Variants in DUT observed in about 807,000 individuals in gnomAD.
The protein encoded by DUT is deoxyuridine triphosphatase.
A neutral mutation model predicts 28.8 loss-of-function variants in DUT; 21 were observed. The observed-to-expected ratio is 0.73, with a 90% CI of 0.52 to 1.05. DUT has a LOEUF of 1.05. Ranked by LOEUF, DUT falls within the 50% of genes least tolerant of loss-of-function variation. The pLI is 0.00. For synonymous variants in DUT, 147 were observed against 143.7 expected, an observed-to-expected ratio of 1.02 and a Z score of -0.17; for missense variants, 344 against 351.8, an observed-to-expected ratio of 0.98 and a Z score of 0.18.
intron 3 of DUT, among the ~76,000 whole-genome samples, chr15:48,335,720 A>G (rs16960781): frequency 0.02 from 2,989 of 152,288 alleles, 110 homozygotes; most frequent in African/African-American, 0.069. Flanking sequence ...AGCAGCCTAC[A>G]GTTGTTCCCG....
Position 48,331,619 on chromosome 15 carries a change from C to G in DUT, c.104C>G (p.Ala35Gly), listed in dbSNP as rs754054381. The G allele has an allele frequency of 1.3e-6, 2 of 1,553,682 alleles. No homozygotes were observed. Among genetic ancestry groups the G allele is most frequent in the Admixed American group, 3.9e-5 (2 of 51,334 alleles). ...CGAGGCGCACGGCAGAGGGCCGAAG[C>G]CGCGGTACTCTCCGGGCCAGGCCCG... The part of the protein sequence containing the change: ...NARGARQRAE[A>G]AVLSGPGPPL... The change falls in exon 1 of 7, where the codon GCC becomes GGC. Residue 35 changes from alanine to glycine, a missense_variant. Ala to Gly is a moderately conservative substitution (Grantham distance 60, BLOSUM62 0). Transcript: ENST00000331200.
chr15:48,336,258 G>A (rs1225186991), intron 4 of DUT, among the ~76,000 whole-genome samples, 168 bp downstream of exon 4: 1 of 152,024 alleles, frequency 6.6e-6, no homozygotes, highest in African/African-American at 2.4e-5. Context: ...ATTATATTTT[G>A]TTTAACTACT....
At chr15:48,334,568 A>G in intron 3 of DUT, 60 bp downstream of exon 3, 1 of 1,308,564 alleles carries the variant, frequency 7.6e-7, no homozygotes, top group Non-Finnish European at 1.1e-6. Context: ...TAGATTCTTC[A>G]TGTTTCATTT....
intron 3 of DUT, among the ~76,000 whole-genome samples, chr15:48,334,792 T>G (rs1478446937): frequency 6.6e-6 from 1 of 152,208 alleles, no homozygotes; most frequent in Admixed American, 6.5e-5. Context: ...GAGTAAAACT[T>G]CTGACCTGTT....
chr15:48,332,557 G>T, intron 2 of DUT, 151 bp downstream of exon 2: 1 of 778,596 alleles, frequency 1.3e-6, no homozygotes, highest in South Asian at 1.7e-5. Flanking sequence ...TTCATCTTTG[G>T]CATAAATTAA....
chr15:48,340,597 T>A (rs3784620), intron 4 of DUT, among the ~76,000 whole-genome samples: 1 of 152,118 alleles, frequency 6.6e-6, no homozygotes, highest in African/African-American at 2.4e-5. Context: ...CTGGCTCAAG[T>A]CTCCCCTGCA....
chr15:48,341,247 C>T (rs1292723841), intron 4 of DUT, 42 bp from the exon 5 acceptor site: 1 of 1,279,036 alleles, frequency 7.8e-7, no homozygotes, highest in Non-Finnish European at 1.1e-6. Flanking sequence ...TCTAGTATTC[C>T]AATAGCAAAA....
intron 4 of DUT, among the ~76,000 whole-genome samples, chr15:48,338,384 C>T (rs1351644668): frequency 6.6e-6 from 1 of 152,028 alleles, no homozygotes; most frequent in African/African-American, 2.4e-5. Flanking sequence ...GATACGTTAG[C>T]AGAGGCCTTT....
intron 3 of DUT, 111 bp from the exon 4 acceptor site, chr15:48,335,935 G>A (rs2042470342): frequency 1.3e-6 from 1 of 789,590 alleles, no homozygotes; most frequent in Admixed American, 3.0e-5. Flanking sequence ...AAGTTAAGAT[G>A]AAGATATAGA....
intron 4 of DUT, among the ~76,000 whole-genome samples, chr15:48,337,969 T>C (rs1161182013): frequency 1.3e-5 from 2 of 152,226 alleles, no homozygotes; most frequent in African/African-American, 4.8e-5. Flanking sequence ...TGCCAAACTC[T>C]TGACACAGTA....
In DUT at chr15:48,331,431, T is replaced by A; in HGVS notation, c.-85T>A. 6.4e-7 allele frequency: 1 copy of A among 1,569,604 alleles called. No homozygotes were observed. The highest frequency in any genetic ancestry group is 8.6e-7 in the Non-Finnish European group (1 of 1,159,720). On this transcript the variant is annotated 5_prime_UTR_variant, in exon 1 of 7. Coordinates refer to ENST00000331200, the MANE Select transcript of DUT (RefSeq NM_001025248.2). ...GCTGCGACTGCTTCCGAGGTCATGT[T>A]CCCAGGACGGGCGCGTCTTCAGGGT...
At chr15:48,341,262 A>G (rs769375500) in intron 4 of DUT, 27 bp from the exon 5 acceptor site, 3 of 1,455,586 alleles carry the variant, frequency 2.1e-6, no homozygotes, top group South Asian at 1.2e-5. Context: ...GCAAAAATTG[A>G]GATAATATTA....
At chr15:48,331,899 C>A in intron 1 of DUT, 104 bp downstream of exon 1, 1 of 12,484 alleles carries the variant, frequency 8.0e-5, no homozygotes, top group Non-Finnish European at 1.3e-4. Context: ...GCGCGGGGGG[C>A]GGGGGGGGTG....
chr15:48,338,817 A>G (rs2042500848), intron 4 of DUT, among the ~76,000 whole-genome samples: 1 of 152,216 alleles, frequency 6.6e-6, no homozygotes, highest in Non-Finnish European at 1.5e-5. Flanking sequence ...TGTGTCTGAT[A>G]TTATGCAAGA....
upstream of DUT, chr15:48,331,295 G>A: frequency 6.9e-7 from 1 of 1,446,796 alleles, no homozygotes; most frequent in Admixed American, 2.8e-5. Context: ...GGCAGCCAGA[G>A]GCGGCAGCAA....
At chr15:48,338,086 A>C (rs1405592167) in intron 4 of DUT, among the ~76,000 whole-genome samples, 1 of 152,014 alleles carries the variant, frequency 6.6e-6, no homozygotes, top group African/African-American at 2.4e-5. Flanking sequence ...AATATCCCTG[A>C]TACTTATATC....
chr15:48,338,900 G>A (rs533049945), intron 4 of DUT, among the ~76,000 whole-genome samples: 1 of 152,322 alleles, frequency 6.6e-6, no homozygotes, highest in South Asian at 2.1e-4. Flanking sequence ...ACTTTGGGAG[G>A]CTGAGACAGG....
At position 48,334,269 on chromosome 15, in the gene DUT, T is replaced by C. The variant is rs2042451012; in HGVS notation, c.420-148T>C. The C allele has an allele frequency of 2.2e-5, 10 of 464,246 alleles. No homozygotes were observed. In the East Asian group the frequency reaches 3.2e-4, roughly 15 times the overall value. 28.8% of individuals were successfully genotyped at this position (464,246 alleles called of 1,614,324 possible). On this transcript the variant is annotated intron_variant, in intron 2 of 6. Transcript: ENST00000331200. Reference sequence around the variant, plus strand: ...ATAAACTTTTAAGATGAATTGGTAATTCATCATAGCAAGGTTGATTTTAGA... The same window carrying C: ...ATAAACTTTTAAGATGAATTGGTAACTCATCATAGCAAGGTTGATTTTAGA...
At chr15:48,336,991 G>T (rs754552195) in intron 4 of DUT, among the ~76,000 whole-genome samples, 1 of 152,092 alleles carries the variant, frequency 6.6e-6, no homozygotes. Flanking sequence ...AACTAAACAC[G>T]TCCAGAATTA....
Sources: allele counts gnomAD v4.1 joint callset (sites outside exome capture counted in the v4.1 genomes callset), GRCh38; gene constraint gnomAD v4.1.1; transcripts MANE v1.5; gene names NCBI Gene and HGNC (gene_info 2026-07-23, HGNC 2026-07-21).